CD28: variants seen among roughly 807,000 people sequenced by gnomAD.
CD28 encodes the protein T-cell-specific surface glycoprotein CD28.
A neutral mutation model predicts 21.4 loss-of-function variants in CD28; 8 were observed. That is an observed-to-expected ratio of 0.37 (90% CI 0.22 to 0.68). The LOEUF (loss-of-function observed/expected upper bound fraction) is 0.68, where lower values mean the gene tolerates loss of function less well. Among genes scored for constraint, CD28 ranks in the 30% least tolerant of loss-of-function variants. The probability of loss-of-function intolerance (pLI) is 0.55; values close to 1 mark genes in which losing one functional copy is unlikely to be tolerated. For missense variants in CD28, 239 were observed against 272.2 expected (o/e 0.88, Z 0.86); for synonymous variants, 106 against 104.0 (o/e 1.02, Z -0.12).
chr2:203,719,671 T>TAA (rs1693553965), intron 1 of CD28, among the ~76,000 whole-genome samples: 1 of 152,220 alleles, frequency 6.6e-6, no homozygotes, highest in South Asian at 2.1e-4. Flanking sequence ...AAGATGGGCA[T>TAA]AAAGATGACT....
At chr2:203,721,121 A>G (rs1693593989) in intron 1 of CD28, among the ~76,000 whole-genome samples, 1 of 152,234 alleles carries the variant, frequency 6.6e-6, no homozygotes, top group Non-Finnish European at 1.5e-5. Context: ...AACACATAGT[A>G]AGCAAACGAT....
At position 203,726,815 on chromosome 2, in the gene CD28, T is replaced by C. The variant is rs1296432142; in HGVS notation, c.235T>C (p.Tyr79His). The C allele has an allele frequency of 6.2e-7, 1 of 1,614,214 alleles. No homozygotes were observed. Residue 79 changes from tyrosine to histidine, a missense_variant, in exon 2 of 4, where the codon TAC becomes CAC. Transcript: ENST00000324106. ...GAATTACTCCCAGCAGCTTCAGGTT[T>C]ACTCAAAAACGGGGTTCAACTGTGA... ...YGNYSQQLQVYSKTGFNCDGK... is the reference protein window; with the variant it reads ...YGNYSQQLQVHSKTGFNCDGK...
rs117589384 is a variant in CD28, at chr2:203,729,977, T to C, written c.534+205T>C. 2.0e-4 allele frequency among the ~76,000 whole-genome samples: 31 copies of C among 152,312 alleles called. No homozygotes were observed. In the East Asian group the frequency reaches 6.0e-3, roughly 29 times the overall value. Reference sequence around the variant, plus strand: ...TATGAGTTAGATTTCCCAGAAGGCATTGAGTAGGTGGTGAGGCAAAATAAG... The same window carrying C: ...TATGAGTTAGATTTCCCAGAAGGCACTGAGTAGGTGGTGAGGCAAAATAAG... On this transcript the variant is annotated intron_variant, in intron 3 of 3. Coordinates refer to ENST00000324106, the MANE Select transcript of CD28 (RefSeq NM_006139.4).
chr2:203,731,155 T>C (rs1693879161), intron 3 of CD28, among the ~76,000 whole-genome samples: 1 of 152,234 alleles, frequency 6.6e-6, no homozygotes, highest in Admixed American at 6.5e-5. Context: ...GGTATCATCT[T>C]AAGAATTTGC....
At chr2:203,732,638 G>T (rs961943929) in intron 3 of CD28, among the ~76,000 whole-genome samples, 1 of 152,176 alleles carries the variant, frequency 6.6e-6, no homozygotes, top group African/African-American at 2.4e-5. Context: ...AAGGAGGAAT[G>T]GTCCAGAAAT....
chr2:203,734,883 C>A lies in CD28; in HGVS notation c.634C>A (p.Pro212Thr). 1 of 1,614,204 alleles carries A rather than the reference C, an allele frequency of 6.2e-7. No individual in the cohort carries two copies. Among genetic ancestry groups the A allele is most frequent in the Non-Finnish European group, 8.5e-7 (1 of 1,180,022 alleles). ...TRKHYQPYAP[P>T]RDFAAYRS ...CAAGCATTACCAGCCCTATGCCCCACCACGCGACTTCGCAGCCTATCGCTC... is the reference window on the plus strand; with the variant it reads ...CAAGCATTACCAGCCCTATGCCCCAACACGCGACTTCGCAGCCTATCGCTC... Residue 212 changes from proline to threonine, a missense_variant, in exon 4 of 4, where the codon CCA becomes ACA. Pro to Thr is a conservative substitution (Grantham distance 38). Transcript: ENST00000324106.
intron 1 of CD28, among the ~76,000 whole-genome samples, chr2:203,714,818 G>A (rs1693422266): frequency 6.6e-6 from 1 of 152,194 alleles, no homozygotes; most frequent in Non-Finnish European, 1.5e-5. Flanking sequence ...ATCCCTTGCA[G>A]GGATTGCTAA....
Position 203,708,643 on chromosome 2 carries a change from C to T in CD28, c.52+1895C>T, listed in dbSNP as rs1212438282. On this transcript the variant is annotated intron_variant, in intron 1 of 3. Transcript: ENST00000324106. Reference sequence around the variant, plus strand: ...GATAAGTGGTTGGAGAGTTCACACACATAGGGCCTTTGTTTTCTACTTTGA... The same window carrying T: ...GATAAGTGGTTGGAGAGTTCACACATATAGGGCCTTTGTTTTCTACTTTGA... Among the ~76,000 whole-genome samples the T allele has an allele frequency of 2.6e-5, 4 of 152,220 alleles. No individual in the cohort carries two copies. The East Asian group carries it at 7.7e-4, about 29-fold the overall frequency.
intron 1 of CD28, among the ~76,000 whole-genome samples, chr2:203,716,325 G>A (rs149307781): frequency 1.6e-3 from 241 of 152,200 alleles, no homozygotes; most frequent in African/African-American, 4.6e-3. Flanking sequence ...GGCTTCTTTC[G>A]CGTGCCTGTC....
At chr2:203,713,875 G>C (rs1164475224) in intron 1 of CD28, among the ~76,000 whole-genome samples, 1 of 104,482 alleles carries the variant, frequency 9.6e-6, no homozygotes, top group Non-Finnish European at 2.2e-5. Context: ...GAGAGAGAGA[G>C]ACAGAGAGAG....
At chr2:203,725,840 G>A (rs1027819145) in intron 1 of CD28, among the ~76,000 whole-genome samples, 7 of 148,314 alleles carry the variant, frequency 4.7e-5, no homozygotes, top group African/African-American at 1.7e-4. Flanking sequence ...CTCTTGCAAT[G>A]GGCAATAAAC....
chr2:203,728,011 C>T (rs924814892), intron 2 of CD28, among the ~76,000 whole-genome samples: 35 of 152,054 alleles, frequency 2.3e-4, no homozygotes, highest in Non-Finnish European at 3.8e-4. Flanking sequence ...GGGGTTTCAC[C>T]GTGTTAGCAA....
chr2:203,709,157 T>C (rs1693245915), intron 1 of CD28, among the ~76,000 whole-genome samples: 1 of 151,984 alleles, frequency 6.6e-6, no homozygotes. Flanking sequence ...AGTGCAAAGC[T>C]TCTTGTGTGC....
At chr2:203,716,394 A>AGGTGTGCTCACACGATAAAC (rs1693463450) in intron 1 of CD28, among the ~76,000 whole-genome samples, 1 of 152,276 alleles carries the variant, frequency 6.6e-6, no homozygotes, top group Non-Finnish European at 1.5e-5. Context: ...CTGATTGTGT[A>AGGTGTGCTCACACGATAAAC]CCTGCCTTCG....
At position 203,735,872 on chromosome 2, in the gene CD28, G is replaced by C. The variant is rs1386684385; in HGVS notation, c.*960G>C. On this transcript the variant is annotated 3_prime_UTR_variant, in exon 4 of 4. Transcript: ENST00000324106. ...AAAATACAAAATTTAGCTTGGCCTGGTGGCAGGCACCTGTAATCCCAGCTG... is the reference window on the plus strand; with the variant it reads ...AAAATACAAAATTTAGCTTGGCCTGCTGGCAGGCACCTGTAATCCCAGCTG... The C allele has an allele frequency of 6.6e-6, 1 of 152,154 alleles. No homozygotes were observed. 9.4% of individuals were successfully genotyped at this position (152,154 alleles called of 1,614,324 possible).
At position 203,735,031 on chromosome 2, in the gene CD28, A is replaced by G. The variant is rs572054130; in HGVS notation, c.*119A>G. On this transcript the variant is annotated 3_prime_UTR_variant, in exon 4 of 4. Coordinates refer to ENST00000324106, the MANE Select transcript of CD28 (RefSeq NM_006139.4). ...CACCTCAGGCCCCTGTTGGGCCACC[A>G]ATGCCAATTTTTCTCGAGTGACTAG... 5.7e-6 allele frequency: 7 copies of G among 1,230,676 alleles called. No homozygotes were observed. The African/African-American group carries it at 1.1e-4, about 19-fold the overall frequency. 76.2% of individuals were successfully genotyped at this position (1,230,676 alleles called of 1,614,324 possible). A position where few individuals can be genotyped will look rare whatever the true frequency, so the allele number is the denominator to read the frequency against.
chr2:203,738,283 T>C lies in CD28; in HGVS notation c.*3371T>C, dbSNP rs1694093976. 6.6e-6 allele frequency: 1 copy of C among 152,164 alleles called. No individual in the cohort carries two copies. Among genetic ancestry groups the C allele is most frequent in the African/African-American group, 2.4e-5 (1 of 41,436 alleles). The allele number at this position is 152,164 out of a possible 1,614,324, so 9.4% of individuals were successfully genotyped here. A position where few individuals can be genotyped will look rare whatever the true frequency, so the allele number is the denominator to read the frequency against. ...GGTTAAATGCATGTCTGATCCCTTA[T>C]CCCAGCCATTTGCACTGCCAGCTGG... On this transcript the variant is annotated 3_prime_UTR_variant, in exon 4 of 4. Transcript: ENST00000324106.
At chr2:203,721,613 A>G (rs1259243339) in intron 1 of CD28, among the ~76,000 whole-genome samples, 2 of 151,982 alleles carry the variant, frequency 1.3e-5, no homozygotes, top group Admixed American at 1.3e-4. Flanking sequence ...ACTTTTACTT[A>G]GTAAAAGTTG....
At position 203,713,861 on chromosome 2, in the gene CD28, G is replaced by C. The variant is rs887721561; in HGVS notation, c.52+7113G>C. Among the ~76,000 whole-genome samples the C allele has an allele frequency of 4.8e-5, 7 of 146,726 alleles. No individual in the cohort carries two copies. The South Asian group carries it at 1.5e-3, about 31-fold the overall frequency. ...AGAGAGAGAGAGAGAGGGAGAGAGA[G>C]AGAGAGAGAGAGAGACAGAGAGAGA... On this transcript the variant is annotated intron_variant, in intron 1 of 3. Transcript: ENST00000324106.
Sources: allele counts gnomAD v4.1 joint callset (sites outside exome capture counted in the v4.1 genomes callset), GRCh38; gene constraint gnomAD v4.1.1; transcripts MANE v1.5; gene names NCBI Gene and HGNC (gene_info 2026-07-23, HGNC 2026-07-21).